Variants in ZNF407 observed in about 807,000 individuals in gnomAD.
The protein encoded by ZNF407 is zinc finger protein 407.
In ZNF407, 17 loss-of-function variants were observed where a neutral mutation model predicts 131.2. The observed-to-expected ratio is 0.13, with a 90% CI of 0.09 to 0.19. ZNF407 has a LOEUF of 0.19. Ranked by LOEUF, ZNF407 falls within the 10% of genes least tolerant of loss-of-function variation. ZNF407 has a pLI of 1.00. For synonymous variants in ZNF407, 1,156 were observed against 1,062.0 expected (o/e 1.09, Z -1.72); for missense variants, 2,681 against 2,830.6 (o/e 0.95, Z 1.20).
intron 4 of ZNF407, among the ~76,000 whole-genome samples, chr18:74,789,172 C>T (rs1969777908): frequency 6.6e-6 from 1 of 152,058 alleles, no homozygotes; most frequent in African/African-American, 2.4e-5. Context: ...GGATGCTATT[C>T]CAGGGAGTGT....
At chr18:74,968,596 T>C (rs551323858) in intron 8 of ZNF407, among the ~76,000 whole-genome samples, 2 of 152,360 alleles carry the variant, frequency 1.3e-5, no homozygotes, top group East Asian at 3.9e-4. Flanking sequence ...TCTTTTCTCT[T>C]AGCAGGTGCC....
intron 8 of ZNF407, among the ~76,000 whole-genome samples, chr18:74,934,323 C>T (rs569912582): frequency 2.6e-5 from 4 of 152,092 alleles, no homozygotes; most frequent in African/African-American, 9.6e-5. Flanking sequence ...TGAGAGAGTA[C>T]TTTTATTGGG....
At chr18:74,614,294 G>A (rs1405734509) in intron 1 of ZNF407, among the ~76,000 whole-genome samples, 2 of 152,154 alleles carry the variant, frequency 1.3e-5, no homozygotes, top group African/African-American at 2.4e-5. Context: ...TATGGGTGGT[G>A]TTCTACTGTA....
intron 3 of ZNF407, among the ~76,000 whole-genome samples, chr18:74,704,063 G>A (rs954891683): frequency 1.3e-4 from 20 of 151,980 alleles, no homozygotes; most frequent in African/African-American, 4.3e-4. Flanking sequence ...AAGGGACACC[G>A]ACATTTCATC....
At chr18:74,846,250 A>G (rs1970700919) in intron 4 of ZNF407, among the ~76,000 whole-genome samples, 1 of 152,194 alleles carries the variant, frequency 6.6e-6, no homozygotes, top group Non-Finnish European at 1.5e-5. Context: ...ATCCTAACAA[A>G]CAGCTTAAAG....
intron 4 of ZNF407, among the ~76,000 whole-genome samples, chr18:74,818,885 A>G (rs978555508): frequency 6.6e-6 from 1 of 151,890 alleles, no homozygotes; most frequent in Non-Finnish European, 1.5e-5. Flanking sequence ...AAAAAAGCTA[A>G]ACATGAATAA....
chr18:74,846,467 G>A (rs995103743), intron 4 of ZNF407, among the ~76,000 whole-genome samples: 1 of 151,472 alleles, frequency 6.6e-6, no homozygotes, highest in Admixed American at 6.6e-5. Flanking sequence ...GGCCTCCTGA[G>A]TAGCTGGGAT....
intron 4 of ZNF407, among the ~76,000 whole-genome samples, chr18:74,874,393 G>C (rs1305807464): frequency 1.3e-5 from 2 of 152,190 alleles, no homozygotes; most frequent in Non-Finnish European, 2.9e-5. Flanking sequence ...TCTCAGGAAA[G>C]TCCACCATGT....
At chr18:74,660,484 C>G (rs930109315) in intron 3 of ZNF407, among the ~76,000 whole-genome samples, 6 of 152,042 alleles carry the variant, frequency 3.9e-5, no homozygotes, top group African/African-American at 1.4e-4. Context: ...AAACTGACTC[C>G]AAGTAATATC....
chr18:74,806,088 A>C (rs1970105027), intron 4 of ZNF407, among the ~76,000 whole-genome samples: 1 of 152,308 alleles, frequency 6.6e-6, no homozygotes, highest in South Asian at 2.1e-4. Flanking sequence ...ATAATACTAA[A>C]CGAGTAAGAT....
intron 4 of ZNF407, among the ~76,000 whole-genome samples, chr18:74,811,758 G>A (rs1970198666): frequency 6.6e-6 from 1 of 152,006 alleles, no homozygotes; most frequent in Admixed American, 6.6e-5. Context: ...ATCATTCTCA[G>A]TAAACTATTG....
At chr18:74,751,326 C>T (rs1014135246) in intron 3 of ZNF407, among the ~76,000 whole-genome samples, 8 of 151,932 alleles carry the variant, frequency 5.3e-5, no homozygotes, top group East Asian at 3.9e-4. Context: ...AATGTGGCTA[C>T]GCACGTCTCA....
intron 8 of ZNF407, among the ~76,000 whole-genome samples, chr18:75,028,475 C>G (rs1255939578): frequency 6.6e-6 from 1 of 152,164 alleles, no homozygotes; most frequent in Non-Finnish European, 1.5e-5. Context: ...GCCCTGTCTT[C>G]AAAGACAGTT....
intron 6 of ZNF407, among the ~76,000 whole-genome samples, chr18:74,888,086 A>G (rs1239673756): frequency 6.6e-6 from 1 of 152,214 alleles, no homozygotes; most frequent in Non-Finnish European, 1.5e-5. Flanking sequence ...TTTACTCCTC[A>G]TTTTCTAAGT....
chr18:74,751,123 T>C (rs1968790497), intron 3 of ZNF407, among the ~76,000 whole-genome samples: 1 of 152,126 alleles, frequency 6.6e-6, no homozygotes. Flanking sequence ...TTCTTTAATT[T>C]TCATGAATTT....
chr18:74,809,961 T>C (rs189571188), intron 4 of ZNF407, among the ~76,000 whole-genome samples: 1 of 152,326 alleles, frequency 6.6e-6, no homozygotes, highest in Admixed American at 6.5e-5. Context: ...AGAGGAATTA[T>C]GTGGATGTGA....
intron 8 of ZNF407, among the ~76,000 whole-genome samples, chr18:74,958,635 G>A (rs1972304401): frequency 1.3e-5 from 2 of 152,240 alleles, no homozygotes; most frequent in African/African-American, 4.8e-5. Flanking sequence ...CAGGCAGAGG[G>A]TGAGTAAGCC....
intron 8 of ZNF407, among the ~76,000 whole-genome samples, chr18:74,975,676 A>G (rs1005544970): frequency 4.6e-5 from 7 of 152,230 alleles, no homozygotes; most frequent in African/African-American, 1.7e-4. Flanking sequence ...GTGTTCAAAA[A>G]TAGAGCCTAA....
intron 4 of ZNF407, among the ~76,000 whole-genome samples, chr18:74,855,189 A>G (rs528851717): frequency 6.6e-6 from 1 of 152,180 alleles, no homozygotes; most frequent in East Asian, 1.9e-4. Flanking sequence ...CATCAGATCT[A>G]TTGGTTTTGC....
Sources: gnomAD v4.1 joint callset for allele counts (sites outside exome capture counted in the v4.1 genomes callset) on GRCh38, gnomAD v4.1.1 for gene constraint, MANE v1.5 for transcripts, NCBI Gene and HGNC (gene_info 2026-07-23, HGNC 2026-07-21) for gene names.